The following AASDHPPT variants were observed in gnomAD, a reference collection of about 807,000 sequenced individuals.
The protein encoded by AASDHPPT is L-aminoadipate-semialdehyde dehydrogenase-phosphopantetheinyl transferase.
Under a neutral mutation model 36.4 loss-of-function variants are expected in AASDHPPT, and 23 were observed. The observed-to-expected ratio is 0.63, with a 90% CI of 0.45 to 0.89. The LOEUF is 0.89. Among genes scored for constraint, AASDHPPT ranks in the 40% least tolerant of loss-of-function variants. AASDHPPT has a pLI of 0.00. For missense variants in AASDHPPT, 377 were observed against 378.2 expected (o/e 1.00, Z 0.03); for synonymous variants, 115 against 128.0 (o/e 0.90, Z 0.68).
chr11:106,077,979 C>G, intron 1 of AASDHPPT, 86 bp downstream of exon 1: 1 of 1,469,778 alleles, frequency 6.8e-7, no homozygotes, highest in Non-Finnish European at 9.2e-7. Flanking sequence ...GACACTCCCG[C>G]GCTGGCCGCG....
At position 106,097,148 on chromosome 11, in the gene AASDHPPT, G is replaced by A; in HGVS notation, c.*241G>A. On this transcript the variant is annotated 3_prime_UTR_variant, in exon 6 of 6. Coordinates refer to ENST00000278618, the MANE Select transcript of AASDHPPT (RefSeq NM_015423.3). Reference sequence around the variant, plus strand: ...AGGAAGGATGGCGGAATCTTAAAGTGATACATGCTAACTGTAGAAAAAAAT... The same window carrying A: ...AGGAAGGATGGCGGAATCTTAAAGTAATACATGCTAACTGTAGAAAAAAAT... 1 of 371,564 alleles carries A rather than the reference G, an allele frequency of 2.7e-6. No homozygotes were observed. Among genetic ancestry groups the A allele is most frequent in the South Asian group, 5.0e-5 (1 of 19,872 alleles). The allele number at this position is 371,564 out of a possible 1,614,324, so 23.0% of individuals were successfully genotyped here. A position where few individuals can be genotyped will look rare whatever the true frequency, so the allele number is the denominator to read the frequency against.
rs776069965 is a variant in AASDHPPT, at chr11:106,096,954, C to T, written c.*47C>T. 1.6e-5 allele frequency: 24 copies of T among 1,491,112 alleles called. No individual in the cohort carries two copies. Among genetic ancestry groups the T allele is most frequent in the Admixed American group, 2.5e-5 (1 of 39,794 alleles). 92.4% of individuals were successfully genotyped at this position (1,491,112 alleles called of 1,614,324 possible). A position where few individuals can be genotyped will look rare whatever the true frequency, so the allele number is the denominator to read the frequency against. On this transcript the variant is annotated 3_prime_UTR_variant, in exon 6 of 6. Transcript: ENST00000278618. The stretch of plus-strand genomic sequence containing the variant: ...GAAATGAAAACTGTTTGTGATCTTC[C>T]GTATTCACTGAAAAATAAATGCTTG...
At chr11:106,085,060 T>C (rs1261989623) in intron 2 of AASDHPPT, among the ~76,000 whole-genome samples, 2 of 152,216 alleles carry the variant, frequency 1.3e-5, no homozygotes, top group African/African-American at 4.8e-5. Flanking sequence ...CAGAAAGTCA[T>C]TGCCTCACAC....
chr11:106,079,455 T>G lies in AASDHPPT; in HGVS notation c.184-12T>G. The G allele has an allele frequency of 1.3e-6, 2 of 1,583,678 alleles. No individual in the cohort carries two copies. Among genetic ancestry groups the G allele is most frequent in the Non-Finnish European group, 1.7e-6 (2 of 1,161,350 alleles). Reference sequence around the variant, plus strand: ...ACATCAGTACATACCAAATGTTTTATGTACTTAACAGGCTGGTCGTCTGAT... The same window carrying G: ...ACATCAGTACATACCAAATGTTTTAGGTACTTAACAGGCTGGTCGTCTGAT... On this transcript the variant is annotated splice_polypyrimidine_tract_variant and intron_variant, in intron 1 of 5. Coordinates refer to ENST00000278618, the MANE Select transcript of AASDHPPT (RefSeq NM_015423.3).
chr11:106,092,137 A>G (rs776896235), intron 4 of AASDHPPT: 7 of 152,160 alleles, frequency 4.6e-5, no homozygotes, highest in African/African-American at 1.2e-4. Flanking sequence ...TGCATGTAAC[A>G]TACTGTTGCA....
At chr11:106,089,942 T>A (rs766776825) in intron 2 of AASDHPPT, among the ~76,000 whole-genome samples, 20 of 152,054 alleles carry the variant, frequency 1.3e-4, no homozygotes, top group Non-Finnish European at 2.8e-4. Context: ...TGAAAATCTT[T>A]TTATTTGAAT....
intron 2 of AASDHPPT, among the ~76,000 whole-genome samples, chr11:106,082,312 T>TA (rs1019695933): frequency 1.3e-5 from 2 of 152,088 alleles, no homozygotes; most frequent in African/African-American, 4.8e-5. Flanking sequence ...AGATGGGAAG[T>TA]AGACACTGAT....
chr11:106,079,007 A>T (rs956897492), intron 1 of AASDHPPT, among the ~76,000 whole-genome samples: 7 of 152,198 alleles, frequency 4.6e-5, no homozygotes, highest in Non-Finnish European at 1.0e-4. Flanking sequence ...GAGCCAGCCT[A>T]AAATGTCCAA....
intron 1 of AASDHPPT, 64 bp from the exon 2 acceptor site, chr11:106,079,403 C>A: frequency 7.4e-7 from 1 of 1,348,742 alleles, no homozygotes; most frequent in Non-Finnish European, 1.0e-6. Flanking sequence ...AGTACTATTG[C>A]ATACAGTGTG....
chr11:106,097,017 A>G lies in AASDHPPT; in HGVS notation c.*110A>G, dbSNP rs1013748381. On this transcript the variant is annotated 3_prime_UTR_variant, in exon 6 of 6. Coordinates refer to ENST00000278618, the MANE Select transcript of AASDHPPT (RefSeq NM_015423.3). ...TTTTATTTCACGAAAGTTTTTTTAA[A>G]GAACAGAAACTTTTCCAATTAAAAA... The G allele has an allele frequency of 9.3e-6, 11 of 1,183,596 alleles. No homozygotes were observed. Among genetic ancestry groups the G allele is most frequent in the African/African-American group, 1.6e-5 (1 of 61,606 alleles). 73.3% of individuals were successfully genotyped at this position (1,183,596 alleles called of 1,614,324 possible). A position where few individuals can be genotyped will look rare whatever the true frequency, so the allele number is the denominator to read the frequency against.
In AASDHPPT at chr11:106,079,560, G is replaced by A. The variant is rs933571601; in HGVS notation, c.277G>A (p.Val93Ile). 1.2e-6 allele frequency: 2 copies of A among 1,614,120 alleles called. No homozygotes were observed. Among genetic ancestry groups the A allele is most frequent in the Non-Finnish European group, 1.7e-6 (2 of 1,180,010 alleles). ...RLQRTAKGKP[V>I]LAKDSSNPYP... ...GCAAAGAACTGCAAAAGGAAAACCA[G>A]TTCTTGCAAAGGACTCATCGAATCC... The change falls in exon 2 of 6, where the codon GTT (valine) becomes ATT (isoleucine). Residue 93 changes from valine to isoleucine, a missense_variant. Physicochemically the swap from Val to Ile is conservative, Grantham distance 29. Coordinates refer to ENST00000278618, the MANE Select transcript of AASDHPPT (RefSeq NM_015423.3).
At chr11:106,081,501 G>C (rs1211350144) in intron 2 of AASDHPPT, among the ~76,000 whole-genome samples, 1 of 152,190 alleles carries the variant, frequency 6.6e-6, no homozygotes, top group Non-Finnish European at 1.5e-5. Context: ...TGCTGCTATA[G>C]AGGATTCTTA....
rs1861333126 is a variant in AASDHPPT, at chr11:106,097,881, C to T, written c.*974C>T. 6.6e-6 allele frequency: 1 copy of T among 152,044 alleles called. No individual in the cohort carries two copies. Among genetic ancestry groups the T allele is most frequent in the South Asian group, 2.1e-4 (1 of 4,824 alleles). 9.4% of individuals were successfully genotyped at this position (152,044 alleles called of 1,614,324 possible). On this transcript the variant is annotated 3_prime_UTR_variant, in exon 6 of 6. Coordinates refer to ENST00000278618, the MANE Select transcript of AASDHPPT (RefSeq NM_015423.3). Reference sequence around the variant, plus strand: ...CTGCCTTCCCATAAGAAAGGTTTACCATAATTTACTCACTTTTTTCTGTGT... The same window carrying T: ...CTGCCTTCCCATAAGAAAGGTTTACTATAATTTACTCACTTTTTTCTGTGT...
rs368580660 is a variant in AASDHPPT at position 106,097,037 on chromosome 11, T to TAA, written c.*140_*141dup. On this transcript the variant is annotated 3_prime_UTR_variant, in exon 6 of 6. Coordinates refer to ENST00000278618, the MANE Select transcript of AASDHPPT (RefSeq NM_015423.3). ...TTTAAAGAACAGAAACTTTTCCAAT[T>TAA]AAAAAAAAAAAGCAGACTTCTGGTT... 997 of 754,844 alleles carry TAA rather than the reference T, an allele frequency of 1.3e-3. No homozygotes were observed. The highest frequency in any genetic ancestry group is 2.3e-3 in the Middle Eastern group (6 of 2,584). 46.8% of individuals were successfully genotyped at this position (754,844 alleles called of 1,614,324 possible).
chr11:106,093,982 A>G (rs1861283913), intron 4 of AASDHPPT: 1 of 151,982 alleles, frequency 6.6e-6, no homozygotes, highest in South Asian at 2.1e-4. Flanking sequence ...AAGGACAGAT[A>G]GCTGTCAAGT....
rs1468523832 is a variant in AASDHPPT at position 106,094,601 on chromosome 11, C to T, written c.712C>T (p.His238Tyr). 1 of 1,606,534 alleles carries T rather than the reference C, an allele frequency of 6.2e-7. No homozygotes were observed. The highest frequency in any genetic ancestry group is 1.3e-5 in the African/African-American group (1 of 74,704). ...WAFEESKIDE[H>Y]HFVAVALRKP... ...CTTTCAGGAAAGCAAAATAGATGAG[C>T]ACCATTTTGTTGCAGTTGCTCTTAG... The change falls in exon 5 of 6, where the codon CAC (histidine) becomes TAC (tyrosine). Residue 238 changes from histidine (H) to tyrosine (Y), a missense_variant. Transcript: ENST00000278618.
chr11:106,094,509 T>A, intron 4 of AASDHPPT, 74 bp from the exon 5 acceptor site: 1 of 1,116,960 alleles, frequency 9.0e-7, no homozygotes, highest in Non-Finnish European at 1.3e-6. Flanking sequence ...GAATGAGATT[T>A]AGAAAATGTA....
At chr11:106,084,547 C>T (rs1452575567) in intron 2 of AASDHPPT, among the ~76,000 whole-genome samples, 1 of 152,102 alleles carries the variant, frequency 6.6e-6, no homozygotes. Flanking sequence ...ATCTGCCTGC[C>T]TCAGCCTCCC....
At chr11:106,092,891 G>A (rs1477119114) in intron 4 of AASDHPPT, 1 of 152,104 alleles carries the variant, frequency 6.6e-6, no homozygotes, top group Non-Finnish European at 1.5e-5. Context: ...TTTAAGGTAG[G>A]CTATGCTATG....
Sources: allele counts gnomAD v4.1 joint callset (sites outside exome capture counted in the v4.1 genomes callset), GRCh38; gene constraint gnomAD v4.1.1; transcripts MANE v1.5; gene names NCBI Gene and HGNC (gene_info 2026-07-23, HGNC 2026-07-21).